Variants in STK3 observed in about 807,000 individuals in gnomAD.
STK3 encodes serine/threonine kinase 3, also known as serine/threonine-protein kinase 3.
STK3 carries 41 observed loss-of-function variants against 58.0 expected under a neutral mutation model. The observed-to-expected ratio is 0.71, with a 90% CI of 0.55 to 0.92. STK3 has a LOEUF of 0.92. STK3 is among the 40% of genes least tolerant of loss of function. The probability of loss-of-function intolerance (pLI) is 0.00; values close to 1 mark genes in which losing one functional copy is unlikely to be tolerated. For synonymous variants in STK3, 170 were observed against 191.0 expected, an observed-to-expected ratio of 0.89 and a Z score of 0.91; for missense variants, 479 against 602.7, an observed-to-expected ratio of 0.79 and a Z score of 2.15.
At chr8:98,926,673 T>C (rs970871451) in intron 1 of STK3, among the ~76,000 whole-genome samples, 1 of 152,036 alleles carries the variant, frequency 6.6e-6, no homozygotes, top group Non-Finnish European at 1.5e-5. Flanking sequence ...AACATACAAA[T>C]GCAGTTGTAA....
At chr8:98,736,735 T>C (rs1828626579) in intron 4 of STK3, among the ~76,000 whole-genome samples, 1 of 151,720 alleles carries the variant, frequency 6.6e-6, no homozygotes, top group Non-Finnish European at 1.5e-5. Flanking sequence ...CAAGACTTAC[T>C]ACTCTTAAAA....
intron 6 of STK3, among the ~76,000 whole-genome samples, chr8:98,695,251 T>C (rs1423132931): frequency 6.6e-6 from 1 of 152,222 alleles, no homozygotes; most frequent in Non-Finnish European, 1.5e-5. Flanking sequence ...TATTAGCCCT[T>C]TGTCAGATGA....
intron 1 of STK3, 25 bp from the exon 2 acceptor site, chr8:98,774,844 G>T (rs1320650462): frequency 1.3e-6 from 2 of 1,499,582 alleles, no homozygotes; most frequent in Non-Finnish European, 1.8e-6. Context: ...AAAGAAGAAA[G>T]AAAATATTTT....
At chr8:98,357,324 G>A in the STK3 span, among the ~76,000 whole-genome samples, 1 of 152,174 alleles carries the variant, frequency 6.6e-6, no homozygotes, top group African/African-American at 2.4e-5. Flanking sequence ...TGGCCTTGAA[G>A]GTGGGTTCTC....
At chr8:98,594,230 C>T (rs1481004148) in intron 7 of STK3, among the ~76,000 whole-genome samples, 1 of 151,904 alleles carries the variant, frequency 6.6e-6, no homozygotes, top group Non-Finnish European at 1.5e-5. Context: ...TAGGTGGAGC[C>T]CAGGAGGTAG....
chr8:98,652,585 C>T (rs1313371978), intron 6 of STK3, among the ~76,000 whole-genome samples: 6 of 145,008 alleles, frequency 4.1e-5, no homozygotes, highest in Non-Finnish European at 9.0e-5. Flanking sequence ...TTCAGGAAAC[C>T]CATCTCACGT....
chr8:98,498,126 G>A (rs1475348598), intron 10 of STK3, among the ~76,000 whole-genome samples: 1 of 151,932 alleles, frequency 6.6e-6, no homozygotes, highest in Non-Finnish European at 1.5e-5. Flanking sequence ...GGATATCTGG[G>A]TTGTTTCTAC....
Position 98,586,266 on chromosome 8 carries a change from A to G in STK3, c.823-6477T>C, listed in dbSNP as rs528845044. 7.1e-3 allele frequency among the ~76,000 whole-genome samples: 1,077 copies of G among 151,546 alleles called. 12 individuals are homozygous for G. The highest frequency in any genetic ancestry group is 0.024 in the African/African-American group (971 of 40,948). The stretch of plus-strand genomic sequence containing the variant: ...GATAGCTCTTATTATTTTGAAATAT[A>G]TCCCATCAATACCTAATTTATTGAG... On this transcript the variant is annotated intron_variant, in intron 7 of 10. Transcript: ENST00000419617.
chr8:98,901,691 C>T (rs1387100191), intron 1 of STK3, among the ~76,000 whole-genome samples: 1 of 152,244 alleles, frequency 6.6e-6, no homozygotes, highest in East Asian at 1.9e-4. Flanking sequence ...CACTGGCTCC[C>T]TTGGGATGAC....
intron 1 of STK3, among the ~76,000 whole-genome samples, chr8:98,783,018 GGAGAGGGA>G (rs1832204494): frequency 6.7e-6 from 1 of 148,234 alleles, no homozygotes; most frequent in Non-Finnish European, 1.5e-5. Flanking sequence ...AGAGAAAGAA[GGAGAGGGA>G]GAGAGAGAGA....
chr8:98,858,000 T>C (rs904317363), intron 3 of STK3, among the ~76,000 whole-genome samples: 15 of 152,104 alleles, frequency 9.9e-5, no homozygotes, highest in Admixed American at 3.9e-4. Context: ...TAGGCTCACT[T>C]TTTAAAACTA....
At chr8:98,852,462 G>A (rs959593860) in intron 3 of STK3, among the ~76,000 whole-genome samples, 4 of 152,102 alleles carry the variant, frequency 2.6e-5, no homozygotes, top group Non-Finnish European at 5.9e-5. Flanking sequence ...CACTGGCTTT[G>A]GGGACTTTCA....
chr8:98,810,169 C>T (rs915869752), intron 1 of STK3, among the ~76,000 whole-genome samples: 6 of 152,172 alleles, frequency 3.9e-5, no homozygotes, highest in African/African-American at 1.2e-4. Flanking sequence ...TGAGAAACTG[C>T]TCTCATGATC....
chr8:98,834,960 G>A (rs1835694306), intron 3 of STK3, among the ~76,000 whole-genome samples: 3 of 152,180 alleles, frequency 2.0e-5, no homozygotes, highest in Admixed American at 2.0e-4. Context: ...TTGTTACCAG[G>A]AATTTACATT....
chr8:98,634,253 A>G (rs1819468051), intron 6 of STK3, among the ~76,000 whole-genome samples: 1 of 152,158 alleles, frequency 6.6e-6, no homozygotes, highest in African/African-American at 2.4e-5. Context: ...TTGGGAGGCC[A>G]AGGCAGGCGG....
At chr8:98,902,620 C>T (rs1838700188) in intron 1 of STK3, among the ~76,000 whole-genome samples, 1 of 152,208 alleles carries the variant, frequency 6.6e-6, no homozygotes, top group South Asian at 2.1e-4. Flanking sequence ...CGTCCTGGCC[C>T]AAGCCTTCTC....
chr8:98,598,867 C>A, intron 6 of STK3: 3 of 985,414 alleles, frequency 3.0e-6, no homozygotes, highest in Non-Finnish European at 3.6e-6. Flanking sequence ...AAAAGAACTA[C>A]TCTGATCACA....
At chr8:98,497,946 A>C (rs1215452069) in intron 10 of STK3, among the ~76,000 whole-genome samples, 2 of 152,096 alleles carry the variant, frequency 1.3e-5, no homozygotes, top group East Asian at 3.9e-4. Context: ...ATACTCAAGA[A>C]AAAGGAAAAC....
At chr8:98,820,702 G>A (rs1834834521) in intron 1 of STK3, among the ~76,000 whole-genome samples, 1 of 152,216 alleles carries the variant, frequency 6.6e-6, no homozygotes, top group Non-Finnish European at 1.5e-5. Flanking sequence ...AAATTCGGCT[G>A]CGCGGTAACT....
Sources: gnomAD v4.1 joint callset for allele counts (sites outside exome capture counted in the v4.1 genomes callset) on GRCh38, gnomAD v4.1.1 for gene constraint, MANE v1.5 for transcripts, NCBI Gene and HGNC (gene_info 2026-07-23, HGNC 2026-07-21) for gene names.